Variants in DIP2C observed in about 807,000 individuals in gnomAD.
DIP2C encodes disco-interacting protein 2 homolog C.
A neutral mutation model predicts 192.4 loss-of-function variants in DIP2C; 33 were observed. The ratio of observed to expected loss-of-function variants is 0.17; its 90% CI spans 0.13 to 0.23. The LOEUF (loss-of-function observed/expected upper bound fraction) is 0.23, where lower values mean the gene tolerates loss of function less well. Ranked by LOEUF, DIP2C falls within the 10% of genes least tolerant of loss-of-function variation. The pLI is 1.00. For synonymous variants in DIP2C, 979 were observed against 864.1 expected, an observed-to-expected ratio of 1.13 and a Z score of -2.33; for missense variants, 1,537 against 2,110.1, an observed-to-expected ratio of 0.73 and a Z score of 5.32.
chr10:537,412 C>T (rs987827506), intron 1 of DIP2C, among the ~76,000 whole-genome samples: 1 of 152,210 alleles, frequency 6.6e-6, no homozygotes, highest in Non-Finnish European at 1.5e-5. Context: ...ATCACCCTGG[C>T]GCAGACTCCG....
In DIP2C at chr10:562,626, G is replaced by A. The variant is rs138401850; in HGVS notation, c.86-76096C>T. 1.5e-3 allele frequency among the ~76,000 whole-genome samples: 235 copies of A among 152,284 alleles called. 2 individuals carry two copies. Among genetic ancestry groups the A allele is most frequent in the African/African-American group, 5.4e-3 (224 of 41,544 alleles). On this transcript the variant is annotated intron_variant, in intron 1 of 36. Coordinates refer to ENST00000280886, the MANE Select transcript of DIP2C (RefSeq NM_014974.3). Reference sequence around the variant, plus strand: ...TTAAAATTTCTACTTTAAACATTACGTGTTAAACATTAAACATTCCATTGC... The same window carrying A: ...TTAAAATTTCTACTTTAAACATTACATGTTAAACATTAAACATTCCATTGC...
At chr10:676,406 G>C (rs545411220) in intron 1 of DIP2C, among the ~76,000 whole-genome samples, 1 of 151,824 alleles carries the variant, frequency 6.6e-6, no homozygotes, top group South Asian at 2.1e-4. Context: ...GAAAGTCCTA[G>C]TCAAGAGCAA....
At chr10:522,430 A>G (rs1196619689) in intron 1 of DIP2C, among the ~76,000 whole-genome samples, 5 of 152,210 alleles carry the variant, frequency 3.3e-5, no homozygotes, top group Non-Finnish European at 7.3e-5. Context: ...TCCTGAGTAA[A>G]TGTCCAGGAC....
intron 1 of DIP2C, among the ~76,000 whole-genome samples, chr10:505,420 G>A (rs1845528187): frequency 6.6e-6 from 1 of 152,210 alleles, no homozygotes; most frequent in South Asian, 2.1e-4. Context: ...ATCAAGCCAA[G>A]GTTCTCAACC....
At position 502,144 on chromosome 10, in the gene DIP2C, A is replaced by C. The variant is rs550855346; in HGVS notation, c.86-15614T>G. 2.6e-5 allele frequency among the ~76,000 whole-genome samples: 4 copies of C among 152,274 alleles called. No homozygotes were observed. The South Asian group carries it at 8.3e-4, about 32-fold the overall frequency. On this transcript the variant is annotated intron_variant, in intron 1 of 36. Coordinates refer to ENST00000280886, the MANE Select transcript of DIP2C (RefSeq NM_014974.3). ...ATGGGTGATAGTGACCCTGTCTCAA[A>C]AACATTCAAATTCCCACATCATAGT...
chr10:436,396 G>A (rs754973715), intron 4 of DIP2C, among the ~76,000 whole-genome samples: 1 of 152,238 alleles, frequency 6.6e-6, no homozygotes, highest in Non-Finnish European at 1.5e-5. Context: ...TTGATTTGCT[G>A]CTGGTGTGGA....
chr10:425,084 C>T lies in DIP2C; in HGVS notation c.395-2051G>A, dbSNP rs371676959. Among the ~76,000 whole-genome samples the T allele has an allele frequency of 1.9e-4, 11 of 57,224 alleles. No individual in the cohort carries two copies. In the East Asian group the frequency reaches 2.0e-3, roughly 10 times the overall value. 37.5% of individuals were successfully genotyped at this position (57,224 alleles called of 152,430 possible). On this transcript the variant is annotated intron_variant, in intron 4 of 36. Coordinates refer to ENST00000280886, the MANE Select transcript of DIP2C (RefSeq NM_014974.3). ...GACACGGATGATACAGCATGACCAGCGGTGACTAATATGACACGGATGATA... is the reference window on the plus strand; with the variant it reads ...GACACGGATGATACAGCATGACCAGTGGTGACTAATATGACACGGATGATA...
At chr10:320,011 T>C (rs1439280469) in intron 31 of DIP2C, among the ~76,000 whole-genome samples, 1 of 152,188 alleles carries the variant, frequency 6.6e-6, no homozygotes. Flanking sequence ...AGCCCCAGAC[T>C]TCCTATTTGA....
chr10:339,737 A>G (rs1958052633), intron 29 of DIP2C, among the ~76,000 whole-genome samples: 4 of 152,242 alleles, frequency 2.6e-5, no homozygotes, highest in African/African-American at 7.2e-5. Context: ...TTGAGGCAAA[A>G]ATCATTAAAT....
At chr10:658,989 T>C (rs1298578615) in intron 1 of DIP2C, among the ~76,000 whole-genome samples, 1 of 151,932 alleles carries the variant, frequency 6.6e-6, no homozygotes, top group Admixed American at 6.6e-5. Context: ...CACACACACA[T>C]ACATGCAATA....
chr10:342,817 C>A (rs990817670), intron 28 of DIP2C, among the ~76,000 whole-genome samples: 1 of 152,188 alleles, frequency 6.6e-6, no homozygotes, highest in Non-Finnish European at 1.5e-5. Context: ...TCCGCATCTT[C>A]CTCTTCCCTA....
chr10:399,035 C>CA, intron 10 of DIP2C, 74 bp downstream of exon 10: 2 of 1,316,114 alleles, frequency 1.5e-6, no homozygotes, highest in Non-Finnish European at 2.2e-6. Flanking sequence ...AGGAGACCCT[C>CA]ACCCAGCCGG....
intron 1 of DIP2C, among the ~76,000 whole-genome samples, chr10:635,714 C>T (rs1156926621): frequency 6.6e-6 from 1 of 152,210 alleles, no homozygotes; most frequent in African/African-American, 2.4e-5. Context: ...CGGGAAATTG[C>T]CCCTGGGCAC....
intron 1 of DIP2C, among the ~76,000 whole-genome samples, chr10:608,147 C>A (rs562011359): frequency 2.6e-5 from 2 of 76,896 alleles, no homozygotes; most frequent in East Asian, 4.8e-4. Context: ...ACACAGCCCC[C>A]CCACACACAC....
At chr10:356,565 T>C in intron 23 of DIP2C, 59 bp from the exon 24 acceptor site, 1 of 1,462,158 alleles carries the variant, frequency 6.8e-7, no homozygotes. Flanking sequence ...CTGTGCGGGC[T>C]GAGGTGGGGC....
chr10:525,250 C>T (rs1846981802), intron 1 of DIP2C, among the ~76,000 whole-genome samples: 1 of 152,046 alleles, frequency 6.6e-6, no homozygotes, highest in Admixed American at 6.6e-5. Flanking sequence ...CGCCTCAAAC[C>T]GAGATAGAAT....
chr10:424,429 G>A (rs190680236), intron 4 of DIP2C, among the ~76,000 whole-genome samples: 24 of 138,894 alleles, frequency 1.7e-4, no homozygotes, highest in African/African-American at 3.2e-4. Context: ...GCAGTGGCGC[G>A]ATCTCAGCTC....
chr10:661,524 G>C (rs1856760739), intron 1 of DIP2C, among the ~76,000 whole-genome samples: 1 of 152,172 alleles, frequency 6.6e-6, no homozygotes, highest in Non-Finnish European at 1.5e-5. Flanking sequence ...CCTCCAGCTG[G>C]AGTCCCACCC....
At chr10:377,057 A>G (rs148703552) in intron 17 of DIP2C, among the ~76,000 whole-genome samples, 164 of 152,134 alleles carry the variant, frequency 1.1e-3, no homozygotes, top group Non-Finnish European at 1.7e-3. Flanking sequence ...ATGCATGCCC[A>G]CTAAAAACAG....
Sources: allele counts gnomAD v4.1 joint callset (sites outside exome capture counted in the v4.1 genomes callset), GRCh38; gene constraint gnomAD v4.1.1; transcripts MANE v1.5; gene names NCBI Gene and HGNC (gene_info 2026-07-23, HGNC 2026-07-21).